ANGPT1: variants seen among roughly 807,000 people sequenced by gnomAD.
ANGPT1 encodes the protein angiopoietin-1.
ANGPT1 carries 17 observed loss-of-function variants against 62.2 expected under a neutral mutation model. The ratio of observed to expected loss-of-function variants is 0.27; its 90% confidence interval spans 0.19 to 0.41. The LOEUF (loss-of-function observed/expected upper bound fraction) is 0.41. Ranked by LOEUF, ANGPT1 falls within the 10% of genes least tolerant of loss-of-function variation. ANGPT1 has a pLI of 1.00. For missense variants in ANGPT1, 478 were observed against 594.9 expected (o/e 0.80, Z 2.04); for synonymous variants, 199 against 198.9 (o/e 1.00, Z 0.00).
intron 4 of ANGPT1, among the ~76,000 whole-genome samples, chr8:107,309,074 A>G (rs1366986349): frequency 6.6e-6 from 1 of 152,186 alleles, no homozygotes; most frequent in Non-Finnish European, 1.5e-5. Context: ...GAGAACACAG[A>G]AGGCAATTAG....
At chr8:107,379,841 C>T (rs563353098) in intron 1 of ANGPT1, among the ~76,000 whole-genome samples, 10 of 152,136 alleles carry the variant, frequency 6.6e-5, no homozygotes, top group South Asian at 6.2e-4. Context: ...CTACTAAAAG[C>T]GTGCAAATTA....
intron 1 of ANGPT1, among the ~76,000 whole-genome samples, chr8:107,444,371 A>T (rs2130438711): frequency 6.6e-6 from 1 of 152,300 alleles, no homozygotes; most frequent in Middle Eastern, 3.4e-3. Context: ...CTCTTCAAGG[A>T]TACATTTATA....
At chr8:107,346,704 A>G (rs1815811706) in intron 2 of ANGPT1, among the ~76,000 whole-genome samples, 1 of 152,136 alleles carries the variant, frequency 6.6e-6, no homozygotes, top group Non-Finnish European at 1.5e-5. Flanking sequence ...TTAAACATTG[A>G]TGAGGTCCTT....
intron 1 of ANGPT1, among the ~76,000 whole-genome samples, chr8:107,481,011 C>T (rs929924733): frequency 6.6e-6 from 1 of 152,120 alleles, no homozygotes; most frequent in South Asian, 2.1e-4. Context: ...GACCAAAGAA[C>T]CATAACATCT....
chr8:107,365,541 T>C (rs911806043), intron 1 of ANGPT1, among the ~76,000 whole-genome samples: 3 of 152,170 alleles, frequency 2.0e-5, no homozygotes. Flanking sequence ...GTATTGGGCA[T>C]GAAGCAATAA....
intron 8 of ANGPT1, among the ~76,000 whole-genome samples, chr8:107,262,596 G>A (rs746466664): frequency 4.6e-5 from 7 of 152,168 alleles, no homozygotes; most frequent in Non-Finnish European, 1.0e-4. Context: ...TGGTAGTAAC[G>A]TAGTGTTGGG....
intron 1 of ANGPT1, among the ~76,000 whole-genome samples, chr8:107,386,262 T>C: frequency 6.6e-6 from 1 of 151,118 alleles, no homozygotes; most frequent in Non-Finnish European, 1.5e-5. Context: ...GTAGGAGGAG[T>C]GAGAATTGAA....
intron 1 of ANGPT1, among the ~76,000 whole-genome samples, chr8:107,441,974 C>T (rs1811490302): frequency 6.6e-6 from 1 of 151,966 alleles, no homozygotes; most frequent in South Asian, 2.1e-4. Flanking sequence ...ATCGCGGCTA[C>T]TCAGGAGGTT....
At chr8:107,475,872 G>A (rs200061905) in intron 1 of ANGPT1, among the ~76,000 whole-genome samples, 3 of 152,054 alleles carry the variant, frequency 2.0e-5, no homozygotes, top group African/African-American at 4.8e-5. Flanking sequence ...AATGCAAATC[G>A]AAACCACAAT....
chr8:107,365,856 A>AACACACACACACACACAC (rs10627552), intron 1 of ANGPT1, among the ~76,000 whole-genome samples: 8 of 147,084 alleles, frequency 5.4e-5, no homozygotes, highest in African/African-American at 1.8e-4. Flanking sequence ...AAACAAATAC[A>AACACACACACACACACAC]ACACACACAC....
chr8:107,312,679 T>C (rs143767096), intron 4 of ANGPT1, among the ~76,000 whole-genome samples: 2 of 152,298 alleles, frequency 1.3e-5, no homozygotes, highest in Non-Finnish European at 2.9e-5. Context: ...TCACCGGTTA[T>C]TAGGAGTGAC....
rs983659443 is a variant in ANGPT1 at position 107,346,065 on chromosome 8, C to T, written c.453+877G>A. 5.3e-5 allele frequency among the ~76,000 whole-genome samples: 8 copies of T among 152,004 alleles called. No individual in the cohort carries two copies. In the East Asian group the frequency reaches 5.8e-4, roughly 11 times the overall value. ...GATTTTCATAAAAACCATGTGTGCA[C>T]GGGAAGTTATGTTATATAGGTTTTA... is the stretch of plus-strand genomic sequence containing the variant. On this transcript the variant is annotated intron_variant, in intron 2 of 8. Transcript: ENST00000517746.
At chr8:107,388,895 A>T (rs902294413) in intron 1 of ANGPT1, among the ~76,000 whole-genome samples, 4 of 152,212 alleles carry the variant, frequency 2.6e-5, no homozygotes, top group Non-Finnish European at 5.9e-5. Context: ...CCAGAAGGGC[A>T]GTTTCAAAAA....
At chr8:107,424,137 G>A (rs1235641059) in intron 1 of ANGPT1, among the ~76,000 whole-genome samples, 1 of 141,506 alleles carries the variant, frequency 7.1e-6, no homozygotes, top group Admixed American at 7.3e-5. Flanking sequence ...CACTGTGCCT[G>A]ACCCCTTTTC....
At chr8:107,388,318 G>A (rs1816772040) in intron 1 of ANGPT1, among the ~76,000 whole-genome samples, 2 of 152,066 alleles carry the variant, frequency 1.3e-5, no homozygotes, top group Admixed American at 1.3e-4. Context: ...CAGAGGCTGA[G>A]GTGGGAGGAT....
chr8:107,298,046 G>A (rs935298875), intron 5 of ANGPT1, among the ~76,000 whole-genome samples: 3 of 151,768 alleles, frequency 2.0e-5, no homozygotes, highest in Non-Finnish European at 4.4e-5. Context: ...TGCATTTATT[G>A]ATCATATGAC....
chr8:107,317,962 G>T (rs1815059383), intron 4 of ANGPT1, among the ~76,000 whole-genome samples: 1 of 152,072 alleles, frequency 6.6e-6, no homozygotes, highest in Non-Finnish European at 1.5e-5. Context: ...CACAGTAACT[G>T]ATTACTCTCC....
chr8:107,279,816 A>T (rs1389347046), intron 7 of ANGPT1, among the ~76,000 whole-genome samples: 1 of 151,968 alleles, frequency 6.6e-6, no homozygotes, highest in Non-Finnish European at 1.5e-5. Context: ...GTTAACAGTC[A>T]CTCATTAATG....
rs79062530 is a variant in ANGPT1 at position 107,379,632 on chromosome 8, C to T, written c.298-32535G>A. On this transcript the variant is annotated intron_variant, in intron 1 of 8. Transcript: ENST00000517746. ...CTAAACCTGTACCCATTCTACCTCT[C>T]CCACACAAACGGGATCATGGCTTTA... Among the ~76,000 whole-genome samples the T allele has an allele frequency of 3.7e-3, 565 of 152,004 alleles. 5 individuals are homozygous for T. The highest frequency in any genetic ancestry group is 0.013 in the African/African-American group (545 of 41,474).
Sources: gnomAD v4.1 joint callset for allele counts (sites outside exome capture counted in the v4.1 genomes callset) on GRCh38, gnomAD v4.1.1 for gene constraint, MANE v1.5 for transcripts, NCBI Gene and HGNC (gene_info 2026-07-23, HGNC 2026-07-21) for gene names.